IRF2: variants seen among roughly 807,000 people sequenced by gnomAD.
IRF2 encodes interferon regulatory factor 2.
In IRF2, 15 loss-of-function variants were observed where a neutral mutation model predicts 40.6. That is an observed-to-expected ratio of 0.37 (90% confidence interval 0.25 to 0.57). The LOEUF (loss-of-function observed/expected upper bound fraction) is 0.57, where lower values mean the gene tolerates loss of function less well. IRF2 is among the 20% of genes least tolerant of loss of function. IRF2 has a pLI of 0.77. For synonymous variants in IRF2, 151 were observed against 165.5 expected (o/e 0.91, Z 0.67); for missense variants, 317 against 455.7 (o/e 0.70, Z 2.77).
intron 1 of IRF2, among the ~76,000 whole-genome samples, chr4:184,431,792 GC>G (rs11307210): frequency 0.42 from 64,145 of 151,416 alleles, 14,304 homozygotes; most frequent in East Asian, 0.55. Context: ...TGTGGAAGTG[GC>G]CCTGCCTCCA....
chr4:184,437,709 G>A (rs1223913400), intron 1 of IRF2, among the ~76,000 whole-genome samples: 5 of 151,858 alleles, frequency 3.3e-5, no homozygotes, highest in Non-Finnish European at 7.4e-5. Flanking sequence ...CTGAGTGCAC[G>A]ACTTGGGAAA....
intron 1 of IRF2, among the ~76,000 whole-genome samples, chr4:184,444,050 C>T (rs1407221347): frequency 6.6e-6 from 1 of 152,194 alleles, no homozygotes; most frequent in Non-Finnish European, 1.5e-5. Context: ...CGAGGTCTGA[C>T]AGCCACATGA....
chr4:184,466,152 G>T (rs1739311837), intron 1 of IRF2, among the ~76,000 whole-genome samples: 1 of 150,652 alleles, frequency 6.6e-6, no homozygotes, highest in Non-Finnish European at 1.5e-5. Flanking sequence ...CTGGGTTCAA[G>T]CGATTCTCCT....
At chr4:184,390,663 T>C (rs1382342248) in intron 8 of IRF2, 40 bp downstream of exon 8, 2 of 1,610,954 alleles carry the variant, frequency 1.2e-6, no homozygotes, top group African/African-American at 2.7e-5. Context: ...CGGGAGGCTT[T>C]TCCTTGGCAG....
At chr4:184,422,803 G>A (rs777891094) in intron 2 of IRF2, among the ~76,000 whole-genome samples, 13 of 152,286 alleles carry the variant, frequency 8.5e-5, no homozygotes, top group Admixed American at 2.0e-4. Context: ...CACAAGCTAG[G>A]GGGGAGGGAA....
chr4:184,390,283 C>T (rs793775), intron 8 of IRF2, among the ~76,000 whole-genome samples: 1 of 152,192 alleles, frequency 6.6e-6, no homozygotes, highest in African/African-American at 2.4e-5. Context: ...CGGGTCACAG[C>T]GGGAGGGAAC....
At chr4:184,393,581 T>C (rs1736336733) in intron 7 of IRF2, among the ~76,000 whole-genome samples, 1 of 152,324 alleles carries the variant, frequency 6.6e-6, no homozygotes, top group Non-Finnish European at 1.5e-5. Flanking sequence ...GCTAACTTCC[T>C]TTAAGTACCC....
In IRF2 at chr4:184,405,600, T is replaced by A. The variant is rs1426185309; in HGVS notation, c.529+2558A>T. On this transcript the variant is annotated intron_variant, in intron 6 of 8. Coordinates refer to ENST00000393593, the MANE Select transcript of IRF2 (RefSeq NM_002199.4). ...TCTCTTAGGGGCAGTGGTGACATGA[T>A]GACACTGGCATTCTTTATTTTGTGA... Among the ~76,000 whole-genome samples the A allele has an allele frequency of 2.6e-5, 4 of 152,300 alleles. No homozygotes were observed. In the East Asian group the frequency reaches 5.8e-4, roughly 22 times the overall value.
At chr4:184,444,827 C>A (rs1191998177) in intron 1 of IRF2, among the ~76,000 whole-genome samples, 1 of 152,252 alleles carries the variant, frequency 6.6e-6, no homozygotes, top group Non-Finnish European at 1.5e-5. Flanking sequence ...TATTTTCAGA[C>A]CTCAGTTGAC....
intron 8 of IRF2, among the ~76,000 whole-genome samples, chr4:184,389,816 T>A (rs1460534497): frequency 6.6e-6 from 1 of 152,272 alleles, no homozygotes; most frequent in African/African-American, 2.4e-5. Flanking sequence ...CCAACCTGCA[T>A]TTTCAGAGAA....
chr4:184,418,153 T>A lies in IRF2; in HGVS notation c.411+14A>T. 1 of 1,609,956 alleles carries A rather than the reference T, an allele frequency of 6.2e-7. No individual in the cohort carries two copies. Among genetic ancestry groups the A allele is most frequent in the Non-Finnish European group, 8.5e-7 (1 of 1,176,176 alleles). The stretch of plus-strand genomic sequence containing the variant: ...TCCCAACTTTGGCTTTCTCTCTGAA[T>A]CACCCAAGATTACCTTGATGTGCTT... On this transcript the variant is annotated intron_variant, in intron 5 of 8. Transcript: ENST00000393593.
chr4:184,408,328 C>T lies in IRF2; in HGVS notation c.412-53G>A, dbSNP rs765406896. 2 of 1,123,968 alleles carry T rather than the reference C, an allele frequency of 1.8e-6. No individual in the cohort carries two copies. The highest frequency in any genetic ancestry group is 2.7e-6 in the Non-Finnish European group (2 of 738,412). The allele number at this position is 1,123,968 out of a possible 1,614,324, so 69.6% of individuals were successfully genotyped here. ...GAGAACACTTCCTTTCCCCTCCCTT[C>T]TCTTAGCTGAAATTCTACCCTCTGC... On this transcript the variant is annotated intron_variant, in intron 5 of 8. Coordinates refer to ENST00000393593, the MANE Select transcript of IRF2 (RefSeq NM_002199.4). The surrounding 1 kb of genome is among the most constrained non-coding windows in gnomAD (Gnocchi z 4.9).
At chr4:184,461,701 C>A (rs953821064) in intron 1 of IRF2, among the ~76,000 whole-genome samples, 1 of 145,460 alleles carries the variant, frequency 6.9e-6, no homozygotes, top group African/African-American at 2.5e-5. Flanking sequence ...CACCGCCCCC[C>A]AACCCCCAAC....
intron 1 of IRF2, among the ~76,000 whole-genome samples, chr4:184,437,523 GA>G (rs1177341993): frequency 6.6e-6 from 1 of 151,838 alleles, no homozygotes; most frequent in African/African-American, 2.4e-5. Flanking sequence ...TAGAGATTAG[GA>G]AAAGCATAGC....
Position 184,408,372 on chromosome 4 carries a change from GGGTCATTCATGTTCA to G in IRF2, c.412-112_412-98del. On this transcript the variant is annotated intron_variant, in intron 5 of 8. Coordinates refer to ENST00000393593, the MANE Select transcript of IRF2 (RefSeq NM_002199.4). The surrounding 1 kb of genome is among the most constrained non-coding windows in gnomAD (Gnocchi z 4.9). ...CCTCTGCCTACTTTCTTTAATGCTA[GGGTCATTCATGTTCA>G]GCTGCCGAATACATTCATCCCCTGC... 2.6e-6 allele frequency: 2 copies of G among 779,026 alleles called. No homozygotes were observed. The highest frequency in any genetic ancestry group is 4.4e-6 in the Non-Finnish European group (2 of 449,638). 48.3% of individuals were successfully genotyped at this position (779,026 alleles called of 1,614,324 possible).
chr4:184,416,355 A>AG (rs1254962318), intron 5 of IRF2, among the ~76,000 whole-genome samples: 5 of 151,338 alleles, frequency 3.3e-5, no homozygotes, highest in Non-Finnish European at 7.4e-5. Flanking sequence ...GAAAAAAAAA[A>AG]CTGTGAGAAA....
At chr4:184,390,617 G>T in intron 8 of IRF2, 86 bp downstream of exon 8, 1 of 1,247,406 alleles carries the variant, frequency 8.0e-7, no homozygotes, top group Non-Finnish European at 1.2e-6. Context: ...TAAAGGAAAG[G>T]TGCATAACCA....
In IRF2 at chr4:184,408,753, A is replaced by G. The variant is rs1214843409; in HGVS notation, c.412-478T>C. Among the ~76,000 whole-genome samples the G allele has an allele frequency of 6.6e-6, 1 of 152,194 alleles. No individual in the cohort carries two copies. Among genetic ancestry groups the G allele is most frequent in the Non-Finnish European group, 1.5e-5 (1 of 68,030 alleles). ...TGGCCCAAGAACAGGAGCCCAGAGGACATTGTAGATGAATTCTCTGCAGAT... is the reference window on the plus strand; with the variant it reads ...TGGCCCAAGAACAGGAGCCCAGAGGGCATTGTAGATGAATTCTCTGCAGAT... On this transcript the variant is annotated intron_variant, in intron 5 of 8. Transcript: ENST00000393593. This position sits in a 1 kb window ranked among gnomAD's most constrained non-coding sequence, Gnocchi z 4.9.
In IRF2 at chr4:184,418,229, T is replaced by A. The variant is rs755237505; in HGVS notation, c.365-16A>T. 2 of 1,608,250 alleles carry A rather than the reference T, an allele frequency of 1.2e-6. No homozygotes were observed. Among genetic ancestry groups the A allele is most frequent in the South Asian group, 1.1e-5 (1 of 90,964 alleles). On this transcript the variant is annotated splice_polypyrimidine_tract_variant and intron_variant, in intron 4 of 8. Coordinates refer to ENST00000393593, the MANE Select transcript of IRF2 (RefSeq NM_002199.4). ...GGTTTCTTTCCTGTGGCAACAAAAA[T>A]GTAGTTTTGGATTAATTCACGAAGG...
Sources: allele counts gnomAD v4.1 joint callset (sites outside exome capture counted in the v4.1 genomes callset), GRCh38; gene constraint gnomAD v4.1.1; non-coding constraint Gnocchi (gnomAD v3.1); transcripts MANE v1.5; gene names NCBI Gene and HGNC (gene_info 2026-07-23, HGNC 2026-07-21).